The following FSTL4 variants were observed in gnomAD, a reference collection of about 807,000 sequenced individuals.
FSTL4 encodes the protein follistatin-related protein 4.
In FSTL4, 28 loss-of-function variants were observed where a neutral mutation model predicts 78.2. The observed-to-expected ratio is 0.36, with a 90% CI of 0.27 to 0.49. The LOEUF (loss-of-function observed/expected upper bound fraction) is 0.49. FSTL4 is among the 20% of genes least tolerant of loss of function. The probability of loss-of-function intolerance (pLI) is 0.98; values close to 1 mark genes in which losing one functional copy is unlikely to be tolerated. For synonymous variants in FSTL4, 422 were observed against 440.5 expected (o/e 0.96, Z 0.53); for missense variants, 922 against 1,084.9 (o/e 0.85, Z 2.11).
At chr5:133,571,700 A>C (rs1238705485) in intron 2 of FSTL4, among the ~76,000 whole-genome samples, 4 of 152,206 alleles carry the variant, frequency 2.6e-5, no homozygotes. Context: ...AACAAAAATA[A>C]ACAAAAAATA....
intron 3 of FSTL4, among the ~76,000 whole-genome samples, chr5:133,436,155 T>G (rs1757027872): frequency 6.6e-6 from 1 of 152,200 alleles, no homozygotes; most frequent in African/African-American, 2.4e-5. Flanking sequence ...AATAGTTTCA[T>G]AAGTATATGT....
the FSTL4 span, among the ~76,000 whole-genome samples, chr5:133,737,901 C>A: frequency 6.6e-6 from 1 of 152,156 alleles, no homozygotes. Context: ...CCGCGCCCGG[C>A]CTGATTTCCT....
At chr5:133,290,606 A>T (rs1753239229) in intron 6 of FSTL4, among the ~76,000 whole-genome samples, 1 of 152,220 alleles carries the variant, frequency 6.6e-6, no homozygotes, top group African/African-American at 2.4e-5. Context: ...TTTTAGCTCT[A>T]GGCATTATGC....
chr5:133,474,688 T>C (rs1286433624), intron 3 of FSTL4, among the ~76,000 whole-genome samples: 1 of 152,200 alleles, frequency 6.6e-6, no homozygotes, highest in Non-Finnish European at 1.5e-5. Context: ...CCAAAAATGG[T>C]TGATGCAATG....
the FSTL4 span, among the ~76,000 whole-genome samples, chr5:133,817,376 G>A: frequency 7.2e-5 from 11 of 152,196 alleles, no homozygotes; most frequent in South Asian, 8.3e-4. Flanking sequence ...GCCATTCTAG[G>A]TCCTTCAAAT....
At chr5:133,299,869 G>A (rs1051374591) in intron 6 of FSTL4, among the ~76,000 whole-genome samples, 6 of 152,136 alleles carry the variant, frequency 3.9e-5, no homozygotes, top group Admixed American at 3.9e-4. Flanking sequence ...ACAATTAGTC[G>A]GTACACTGTC....
the FSTL4 span, among the ~76,000 whole-genome samples, chr5:133,817,560 C>T: frequency 2.6e-5 from 4 of 152,176 alleles, no homozygotes; most frequent in Admixed American, 6.5e-5. Context: ...GGCTTCTGTC[C>T]CAGGAGCTGG....
chr5:133,475,138 G>A (rs969931534), intron 3 of FSTL4, among the ~76,000 whole-genome samples: 9 of 152,322 alleles, frequency 5.9e-5, no homozygotes, highest in Non-Finnish European at 7.3e-5. Flanking sequence ...CTGGACGTCC[G>A]TCACATGTCT....
the FSTL4 span, among the ~76,000 whole-genome samples, chr5:133,741,767 A>G: frequency 6.6e-6 from 1 of 152,134 alleles, no homozygotes; most frequent in Non-Finnish European, 1.5e-5. Flanking sequence ...CAGGCCATGC[A>G]CTCAAAAGCT....
At chr5:133,486,693 C>T (rs1758144988) in intron 3 of FSTL4, among the ~76,000 whole-genome samples, 1 of 152,108 alleles carries the variant, frequency 6.6e-6, no homozygotes, top group Non-Finnish European at 1.5e-5. Flanking sequence ...CCCTCTTCAC[C>T]CTGCCAAACC....
intron 3 of FSTL4, among the ~76,000 whole-genome samples, chr5:133,418,562 T>G (rs140647509): frequency 6.6e-6 from 1 of 152,136 alleles, no homozygotes; most frequent in East Asian, 1.9e-4. Context: ...GGAAATAAAC[T>G]TTATATAGAA....
rs920858920 is a variant in FSTL4 at position 133,338,086 on chromosome 5, T to C, written c.410-21434A>G. 6.6e-6 allele frequency among the ~76,000 whole-genome samples: 1 copy of C among 152,132 alleles called. No homozygotes were observed. The highest frequency in any genetic ancestry group is 2.4e-5 in the African/African-American group (1 of 41,410). Reference sequence around the variant, plus strand: ...GGATGTATCCGAGTGTGAGCTTAACTCTCTGGGTCCCTGGTGTGCACATAG... The same window carrying C: ...GGATGTATCCGAGTGTGAGCTTAACCCTCTGGGTCCCTGGTGTGCACATAG... On this transcript the variant is annotated intron_variant, in intron 4 of 15. Coordinates refer to ENST00000265342, the MANE Select transcript of FSTL4 (RefSeq NM_015082.2). This position sits in a 1 kb window ranked among gnomAD's most constrained non-coding sequence, Gnocchi z 4.0.
chr5:133,540,682 C>T (rs382267), intron 3 of FSTL4, among the ~76,000 whole-genome samples: 58,632 of 142,434 alleles, frequency 0.41, 12,678 homozygotes, highest in African/African-American at 0.52. Flanking sequence ...AACAGTTTGT[C>T]CTCCAGCTCA....
rs76649912 is a variant in FSTL4, at chr5:133,502,349, C to G, written c.160+64837G>C. Reference sequence around the variant, plus strand: ...CTGACAAGGATCTAACATGCCACTGCCAATTTGAAGATGGAGAGCCACACG... The same window carrying G: ...CTGACAAGGATCTAACATGCCACTGGCAATTTGAAGATGGAGAGCCACACG... On this transcript the variant is annotated intron_variant, in intron 3 of 15. Transcript: ENST00000265342. Among the ~76,000 whole-genome samples the G allele has an allele frequency of 7.4e-3, 1,132 of 152,206 alleles. 13 individuals carry two copies. Among genetic ancestry groups the G allele is most frequent in the African/African-American group, 0.026 (1,081 of 41,522 alleles).
intron 3 of FSTL4, among the ~76,000 whole-genome samples, chr5:133,555,499 C>G (rs1759768398): frequency 6.6e-6 from 1 of 152,204 alleles, no homozygotes. Context: ...CTTCCCAACT[C>G]ACAGGCTTTC....
At position 133,199,171 on chromosome 5, in the gene FSTL4, C is replaced by T; in HGVS notation, c.2453G>A (p.Gly818Glu). The T allele has an allele frequency of 6.2e-7, 1 of 1,609,502 alleles. No homozygotes were observed. Among genetic ancestry groups the T allele is most frequent in the Non-Finnish European group, 8.5e-7 (1 of 1,176,572 alleles). ...PARESLFLIN[G>E]RQNTLRCEVS... ...CTCACACCGCAGCGTGTTTTGTCTC[C>T]CATTGATGAGGAACAGTGACTCTCG... is the stretch of plus-strand genomic sequence containing the variant. The change falls in exon 16 of 16, where the codon GGG (glycine) becomes GAG (glutamate). Residue 818 changes from glycine (G) to glutamate (E), a missense_variant. Gly to Glu is a moderately conservative substitution (Grantham distance 98). Coordinates refer to ENST00000265342, the MANE Select transcript of FSTL4 (RefSeq NM_015082.2). This position sits in a 1 kb window ranked among gnomAD's most constrained non-coding sequence, Gnocchi z 4.4.
At chr5:133,332,099 G>A (rs572092004) in intron 4 of FSTL4, among the ~76,000 whole-genome samples, 1 of 152,334 alleles carries the variant, frequency 6.6e-6, no homozygotes, top group South Asian at 2.1e-4. Context: ...TGGCAGTGGG[G>A]ATAAACAGCA....
intron 3 of FSTL4, among the ~76,000 whole-genome samples, chr5:133,408,641 G>C (rs1474113818): frequency 1.3e-5 from 2 of 152,158 alleles, no homozygotes; most frequent in African/African-American, 4.8e-5. Flanking sequence ...TGTTGATCCC[G>C]CTGGGTCTCA....
At chr5:133,660,722 C>T in the FSTL4 span, among the ~76,000 whole-genome samples, 45 of 152,328 alleles carry the variant, frequency 3.0e-4, 1 homozygote, top group African/African-American at 9.1e-4. Context: ...ACAAAGCCTG[C>T]CTACCTATTT....
Sources: allele counts gnomAD v4.1 joint callset (sites outside exome capture counted in the v4.1 genomes callset), GRCh38; gene constraint gnomAD v4.1.1; non-coding constraint Gnocchi (gnomAD v3.1); transcripts MANE v1.5; gene names NCBI Gene and HGNC (gene_info 2026-07-23, HGNC 2026-07-21).